TMEM263: variants seen among roughly 807,000 people sequenced by gnomAD.
TMEM263 encodes the protein transmembrane protein 263.
TMEM263 carries 5 observed loss-of-function variants against 8.6 expected under a neutral mutation model. The ratio of observed to expected loss-of-function variants is 0.58; its 90% CI spans 0.31 to 1.23. The LOEUF is 1.23. Ranked by LOEUF, TMEM263 falls within the 50% of genes most tolerant of loss-of-function variation. The probability of loss-of-function intolerance (pLI) is 0.07; values close to 1 mark genes in which losing one functional copy is unlikely to be tolerated. For missense variants in TMEM263, 104 were observed against 138.8 expected, an observed-to-expected ratio of 0.75 and a Z score of 1.26; for synonymous variants, 50 against 47.9, an observed-to-expected ratio of 1.04 and a Z score of -0.18.
chr12:106,960,669 T>C (rs901195109), intron 2 of TMEM263, among the ~76,000 whole-genome samples: 1 of 152,124 alleles, frequency 6.6e-6, no homozygotes, highest in Non-Finnish European at 1.5e-5. Context: ...TCTGAGAATA[T>C]ACCCGGAAGC....
At chr12:106,959,454 G>C (rs1363627412) in intron 2 of TMEM263, 3 of 152,126 alleles carry the variant, frequency 2.0e-5, no homozygotes, top group Non-Finnish European at 2.9e-5. Flanking sequence ...TGTTGGCCAG[G>C]CTGGTCTGGA....
At position 106,973,854 on chromosome 12, in the gene TMEM263, A is replaced by G. The variant is rs1345788476; in HGVS notation, c.*2463A>G. On this transcript the variant is annotated 3_prime_UTR_variant, in exon 4 of 4. Coordinates refer to ENST00000280756, the MANE Select transcript of TMEM263 (RefSeq NM_152261.4). The stretch of plus-strand genomic sequence containing the variant: ...TGTGACCCACTTGAATGGCTGATCT[A>G]ATAATGTTGACATTATGCATTCTGT... The G allele has an allele frequency of 6.6e-6, 1 of 152,130 alleles. No individual in the cohort carries two copies. The highest frequency in any genetic ancestry group is 1.5e-5 in the Non-Finnish European group (1 of 68,020). The allele number at this position is 152,130 out of a possible 1,614,324, so 9.4% of individuals were successfully genotyped here. A position where few individuals can be genotyped will look rare whatever the true frequency, so the allele number is the denominator to read the frequency against.
chr12:106,967,229 A>C, intron 3 of TMEM263, 49 bp downstream of exon 3: 1 of 1,089,912 alleles, frequency 9.2e-7, no homozygotes, highest in Non-Finnish European at 1.3e-6. Flanking sequence ...ACTGAATTAA[A>C]GTTCTGATAG....
chr12:106,957,600 G>A (rs892707159), intron 2 of TMEM263, among the ~76,000 whole-genome samples: 3 of 152,170 alleles, frequency 2.0e-5, no homozygotes, highest in Admixed American at 6.5e-5. Context: ...TCACAAGGAT[G>A]CCTCAGTGCC....
intron 2 of TMEM263, among the ~76,000 whole-genome samples, chr12:106,963,536 C>T (rs940844971): frequency 6.6e-6 from 1 of 152,190 alleles, no homozygotes; most frequent in African/African-American, 2.4e-5. Flanking sequence ...AGAGTTTAGA[C>T]TGTCAGAAAA....
At chr12:106,961,243 T>A (rs1566221975) in intron 2 of TMEM263, among the ~76,000 whole-genome samples, 1 of 81,262 alleles carries the variant, frequency 1.2e-5, no homozygotes, top group African/African-American at 3.5e-5. Context: ...TTTTTTTTTT[T>A]TTTTTTTTTT....
At chr12:106,962,045 A>C (rs980777592) in intron 2 of TMEM263, among the ~76,000 whole-genome samples, 2 of 152,212 alleles carry the variant, frequency 1.3e-5, no homozygotes, top group African/African-American at 4.8e-5. Flanking sequence ...TTAATTATAA[A>C]AGCAATACAT....
chr12:106,971,480 T>A lies in TMEM263; in HGVS notation c.*89T>A. On this transcript the variant is annotated 3_prime_UTR_variant, in exon 4 of 4. Coordinates refer to ENST00000280756, the MANE Select transcript of TMEM263 (RefSeq NM_152261.4). ...TGGACTACAACCAAGTCAACTGTTT[T>A]GGACGTTTATCTTCTAAACTGCTGT... 7.5e-7 allele frequency: 1 copy of A among 1,341,338 alleles called. No homozygotes were observed. The allele number at this position is 1,341,338 out of a possible 1,614,324, so 83.1% of individuals were successfully genotyped here.
At chr12:106,966,056 G>T (rs1025672074) in intron 2 of TMEM263, among the ~76,000 whole-genome samples, 3 of 152,046 alleles carry the variant, frequency 2.0e-5, no homozygotes, top group African/African-American at 7.2e-5. Flanking sequence ...GTGTGTTGTG[G>T]GGGTTGGGTG....
At chr12:106,966,493 C>T (rs1421838116) in intron 2 of TMEM263, among the ~76,000 whole-genome samples, 1 of 152,164 alleles carries the variant, frequency 6.6e-6, no homozygotes, top group Non-Finnish European at 1.5e-5. Context: ...TGAGTTATAT[C>T]TAGAAATGGG....
At chr12:106,969,877 A>T (rs1001707980) in intron 3 of TMEM263, among the ~76,000 whole-genome samples, 8 of 138,572 alleles carry the variant, frequency 5.8e-5, no homozygotes, top group African/African-American at 1.7e-4. Context: ...GGCTCTATTT[A>T]AAAAAAAAAA....
intron 3 of TMEM263, 90 bp downstream of exon 3, chr12:106,967,270 T>G (rs1189261225): frequency 4.4e-6 from 4 of 911,414 alleles, no homozygotes; most frequent in Non-Finnish European, 1.6e-6. Flanking sequence ...TATTTTATTT[T>G]TTTTTGAGAC....
intron 2 of TMEM263, among the ~76,000 whole-genome samples, chr12:106,963,800 G>A (rs1248615879): frequency 2.6e-5 from 4 of 152,122 alleles, no homozygotes; most frequent in Non-Finnish European, 5.9e-5. Context: ...ATAGGATATA[G>A]AAAAATAATT....
chr12:106,961,378 C>A (rs186577654), intron 2 of TMEM263, among the ~76,000 whole-genome samples: 1 of 151,738 alleles, frequency 6.6e-6, no homozygotes, highest in East Asian at 1.9e-4. Flanking sequence ...TCTACTTATC[C>A]CACAAATACT....
At chr12:106,960,162 G>A (rs1181318383) in intron 2 of TMEM263, among the ~76,000 whole-genome samples, 1 of 152,062 alleles carries the variant, frequency 6.6e-6, no homozygotes, top group Admixed American at 6.5e-5. Context: ...AGCCTCCTGA[G>A]TAGCTAGGAT....
intron 2 of TMEM263, among the ~76,000 whole-genome samples, chr12:106,958,780 T>G (rs981870369): frequency 1.3e-5 from 2 of 152,216 alleles, no homozygotes; most frequent in African/African-American, 2.4e-5. Flanking sequence ...TATGTGTTGT[T>G]TTGTTTTTTT....
intron 2 of TMEM263, among the ~76,000 whole-genome samples, chr12:106,966,489 A>G (rs569016159): frequency 1.3e-5 from 2 of 152,190 alleles, no homozygotes; most frequent in African/African-American, 2.4e-5. Context: ...CCTTTGAGTT[A>G]TATCTAGAAA....
chr12:106,957,746 C>T (rs1033761725), intron 2 of TMEM263, among the ~76,000 whole-genome samples: 9 of 152,026 alleles, frequency 5.9e-5, no homozygotes, highest in Non-Finnish European at 1.0e-4. Flanking sequence ...TTAAAAATTG[C>T]CATTTTGACA....
At chr12:106,962,659 C>A (rs1002147093) in intron 2 of TMEM263, among the ~76,000 whole-genome samples, 1 of 152,206 alleles carries the variant, frequency 6.6e-6, no homozygotes, top group African/African-American at 2.4e-5. Context: ...TTTCTGGCCC[C>A]TTAAATCCAA....
Sources: gnomAD v4.1 joint callset for allele counts (sites outside exome capture counted in the v4.1 genomes callset) on GRCh38, gnomAD v4.1.1 for gene constraint, MANE v1.5 for transcripts, NCBI Gene and HGNC (gene_info 2026-07-23, HGNC 2026-07-21) for gene names.